Variants in CUL2 observed in about 807,000 individuals in gnomAD.
The protein encoded by CUL2 is cullin-2.
In CUL2, 22 loss-of-function variants were observed where a neutral mutation model predicts 110.2. That is an observed-to-expected ratio of 0.20 (90% CI 0.14 to 0.28). The LOEUF is 0.28. Among genes scored for constraint, CUL2 ranks in the 10% least tolerant of loss-of-function variants. The pLI is 1.00. For missense variants in CUL2, 631 were observed against 905.5 expected (o/e 0.70, Z 3.89); for synonymous variants, 279 against 293.2 (o/e 0.95, Z 0.49).
rs527504292 is a variant in CUL2, at chr10:35,069,715, A to C, written c.119+1484T>G. On this transcript the variant is annotated intron_variant, in intron 2 of 20. Transcript: ENST00000374749. ...TGTCGATTCTGTACAATGATGAAGA[A>C]CACATTTTAATTATTTTTTCTTTAC... is the stretch of plus-strand genomic sequence containing the variant. Among the ~76,000 whole-genome samples the C allele has an allele frequency of 2.6e-5, 4 of 152,270 alleles. No homozygotes were observed. The South Asian group carries it at 8.3e-4, about 32-fold the overall frequency.
At chr10:35,097,412 T>C (rs67261877) in intron 2 of CUL2, among the ~76,000 whole-genome samples, 2 of 149,390 alleles carry the variant, frequency 1.3e-5, no homozygotes, top group South Asian at 2.1e-4. Context: ...ATTGCTTGAG[T>C]TCAGGAGATT....
chr10:35,103,594 A>G (rs1006300678), intron 1 of CUL2, among the ~76,000 whole-genome samples: 2 of 151,972 alleles, frequency 1.3e-5, no homozygotes, highest in Non-Finnish European at 1.5e-5. Context: ...AAGTGCTGGG[A>G]TTACAGGCGT....
At chr10:35,038,482 C>T (rs1476850099) in intron 9 of CUL2, among the ~76,000 whole-genome samples, 19 of 134,890 alleles carry the variant, frequency 1.4e-4, no homozygotes, top group African/African-American at 3.9e-4. Flanking sequence ...GCCAAGAGCA[C>T]GCCGCTGCAC....
chr10:35,011,264 G>A (rs2084895760), intron 20 of CUL2, among the ~76,000 whole-genome samples: 1 of 147,894 alleles, frequency 6.8e-6, no homozygotes, highest in African/African-American at 2.5e-5. Flanking sequence ...TGTTGCCCAG[G>A]CTGGTCTGAA....
At chr10:35,048,251 T>C (rs2086002446) in intron 6 of CUL2, among the ~76,000 whole-genome samples, 1 of 152,176 alleles carries the variant, frequency 6.6e-6, no homozygotes, top group African/African-American at 2.4e-5. Context: ...AAGTGAGATC[T>C]TAGTAAAGCA....
chr10:35,087,741 G>C (rs1333740734), intron 1 of CUL2, among the ~76,000 whole-genome samples: 1 of 152,100 alleles, frequency 6.6e-6, no homozygotes, highest in African/African-American at 2.4e-5. Context: ...ATCTCAAAAC[G>C]TTTTCACTTG....
chr10:35,060,931 T>A lies in CUL2; in HGVS notation c.260A>T (p.Tyr87Phe). Residue 87 changes from tyrosine to phenylalanine, a missense_variant, in exon 4 of 21, where the codon TAT becomes TTT. This residue lies in a region of CUL2 where 338 missense variants were observed against 442.5 expected (regional missense o/e 0.76). Transcript: ENST00000374749. ...LESEEQVLVM[Y>F]HRYWEEYSKG... ...GCTGTATTCTTCCCAGTACCTATGA[T>A]ACATAACAAGTACTTGTTCTTCTGA... The A allele has an allele frequency of 6.2e-7, 1 of 1,613,978 alleles. No individual in the cohort carries two copies. Among genetic ancestry groups the A allele is most frequent in the Middle Eastern group, 1.7e-4 (1 of 6,058 alleles).
intron 16 of CUL2, among the ~76,000 whole-genome samples, chr10:35,027,143 CTT>C (rs35508150): frequency 0.029 from 3,732 of 127,458 alleles, 107 homozygotes; most frequent in African/African-American, 0.096. Context: ...ACTTTAGATA[CTT>C]TTTTTTTTTT....
chr10:35,117,687 A>G (rs567264450), intron 1 of CUL2, among the ~76,000 whole-genome samples: 1 of 152,364 alleles, frequency 6.6e-6, no homozygotes, highest in South Asian at 2.1e-4. Flanking sequence ...CTTCTGCTAC[A>G]TGTGAGTGGT....
At chr10:35,039,140 G>C in intron 8 of CUL2, 58 bp from the exon 9 acceptor site, 1 of 1,170,804 alleles carries the variant, frequency 8.5e-7, no homozygotes, top group East Asian at 2.7e-5. Context: ...GGAAAAATCT[G>C]TAATATCAGC....
At chr10:35,048,893 G>A (rs776649246) in intron 6 of CUL2, among the ~76,000 whole-genome samples, 6 of 152,022 alleles carry the variant, frequency 3.9e-5, no homozygotes, top group South Asian at 2.1e-4. Context: ...TAAATACCAC[G>A]GCTTTGACAA....
At chr10:35,053,589 T>C (rs2134870387) in intron 5 of CUL2, among the ~76,000 whole-genome samples, 1 of 152,332 alleles carries the variant, frequency 6.6e-6, no homozygotes, top group Non-Finnish European at 1.5e-5. Flanking sequence ...ATTAAACTCT[T>C]TTCTAATATT....
chr10:35,106,958 T>TG (rs1554872483), intron 1 of CUL2, among the ~76,000 whole-genome samples: 12 of 151,670 alleles, frequency 7.9e-5, no homozygotes, highest in South Asian at 4.2e-4. Context: ...CCTGTTTTTT[T>TG]TTGTTGTTTT....
chr10:35,022,993 C>T (rs1480393261), intron 17 of CUL2, among the ~76,000 whole-genome samples: 6 of 151,974 alleles, frequency 3.9e-5, no homozygotes, highest in East Asian at 3.9e-4. Context: ...TGCAGTGAGC[C>T]GAGATCGCCA....
chr10:35,047,993 G>A (rs993172391), intron 6 of CUL2, among the ~76,000 whole-genome samples: 12 of 152,094 alleles, frequency 7.9e-5, no homozygotes, highest in Non-Finnish European at 1.8e-4. Context: ...ATTAGATGGA[G>A]GCTGGAGTCA....
intron 1 of CUL2, among the ~76,000 whole-genome samples, chr10:35,071,616 G>A (rs1003256805): frequency 2.0e-5 from 3 of 152,098 alleles, no homozygotes; most frequent in Admixed American, 6.6e-5. Flanking sequence ...CACTGTGTTA[G>A]CCAGGATGGT....
chr10:35,090,877 A>G (rs902018093), upstream of CUL2, among the ~76,000 whole-genome samples: 3 of 152,208 alleles, frequency 2.0e-5, no homozygotes, highest in African/African-American at 4.8e-5. Context: ...TTTCAGACCT[A>G]TGTGAATATC....
At chr10:35,037,143 AT>A (rs1212320027) in intron 9 of CUL2, among the ~76,000 whole-genome samples, 3 of 152,086 alleles carry the variant, frequency 2.0e-5, no homozygotes, top group Non-Finnish European at 4.4e-5. Context: ...TAGAAGTGTT[AT>A]TTTTTTACCT....
intron 20 of CUL2, 145 bp from the exon 21 acceptor site, chr10:35,010,587 T>C: frequency 1.6e-6 from 1 of 609,908 alleles, no homozygotes; most frequent in Non-Finnish European, 2.6e-6. Flanking sequence ...AACTACAATG[T>C]GGAAAATGGA....
Sources: gnomAD v4.1 joint callset for allele counts (sites outside exome capture counted in the v4.1 genomes callset) on GRCh38, gnomAD v4.1.1 for gene constraint, gnomAD v4.1.1 regional missense constraint, MANE v1.5 for transcripts, NCBI Gene and HGNC (gene_info 2026-07-23, HGNC 2026-07-21) for gene names.